The following TRPM4 variants were observed in gnomAD, a reference collection of about 807,000 sequenced individuals.
TRPM4 encodes transient receptor potential cation channel subfamily M member 4.
A neutral mutation model predicts 135.6 loss-of-function variants in TRPM4; 124 were observed. The ratio of observed to expected loss-of-function variants is 0.91; its 90% CI spans 0.79 to 1.06. The LOEUF (loss-of-function observed/expected upper bound fraction) is 1.06. TRPM4 is among the 50% of genes least tolerant of loss of function. The pLI, the probability that TRPM4 is intolerant of heterozygous loss-of-function variation, is 0.00. For missense variants in TRPM4, 1,658 were observed against 1,671.4 expected (o/e 0.99, Z 0.14); for synonymous variants, 745 against 705.6 (o/e 1.06, Z -0.88).
chr19:49,165,928 C>T lies in TRPM4; in HGVS notation c.93-113C>T. On this transcript the variant is annotated intron_variant, in intron 2 of 24. Transcript: ENST00000252826. The stretch of plus-strand genomic sequence containing the variant: ...GGGGCAGCGTGGACTCTGCCTGCCT[C>T]TGTGGGTGTGGACTCAGTGTCGACA... 3 of 1,119,718 alleles carry T rather than the reference C, an allele frequency of 2.7e-6. No individual in the cohort carries two copies. In the South Asian group the frequency reaches 4.3e-5, roughly 16 times the overall value. The allele number at this position is 1,119,718 out of a possible 1,614,324, so 69.4% of individuals were successfully genotyped here. A position where few individuals can be genotyped will look rare whatever the true frequency, so the allele number is the denominator to read the frequency against.
In TRPM4 at chr19:49,211,179, C is replaced by T. The variant is rs779436318; in HGVS notation, c.3550C>T (p.Arg1184Cys). The T allele has an allele frequency of 4.4e-6, 7 of 1,605,158 alleles. 1 individual carries two copies. Among genetic ancestry groups the T allele is most frequent in the East Asian group, 2.2e-5 (1 of 44,460 alleles). The change falls in exon 24 of 25, where the codon CGC (arginine) becomes TGC (cysteine). Residue 1184 changes from arginine to cysteine, a missense_variant. Arg to Cys is a radical substitution (Grantham distance 180). This residue lies in a region of TRPM4 where 1,412 missense variants were observed against 1,408.7 expected (regional missense o/e 1.00). Transcript: ENST00000252826. The surrounding 1 kb of genome is among the most constrained non-coding windows in gnomAD (Gnocchi z 4.8). The part of the protein sequence containing the change: ...VLEREVQQCS[R>C]VLGWVAEALS... Reference sequence around the variant, plus strand: ...CATTCCGCAGGTCCAGCAGTGTAGCCGCGTCCTGGGGTGGGTGGCCGAGGC... The same window carrying T: ...CATTCCGCAGGTCCAGCAGTGTAGCTGCGTCCTGGGGTGGGTGGCCGAGGC...
At chr19:49,172,836 C>CTCCA (rs1967520775) in intron 9 of TRPM4, among the ~76,000 whole-genome samples, 1 of 115,186 alleles carries the variant, frequency 8.7e-6, no homozygotes, top group Non-Finnish European at 1.9e-5. Flanking sequence ...CCGCTCATTC[C>CTCCA]TCCATCCGTC....
At chr19:49,205,585 G>A (rs1031703812) in intron 20 of TRPM4, among the ~76,000 whole-genome samples, 4 of 145,118 alleles carry the variant, frequency 2.8e-5, no homozygotes, top group African/African-American at 1.0e-4. Context: ...ACCCAGGTTG[G>A]AGTGCAATGG....
chr19:49,173,712 T>C (rs1008626312), intron 9 of TRPM4, among the ~76,000 whole-genome samples: 1 of 152,034 alleles, frequency 6.6e-6, no homozygotes, highest in African/African-American at 2.4e-5. Context: ...AGCTGGAGTA[T>C]AGTGGTGTGA....
rs1339661406 is a variant in TRPM4 at position 49,210,388 on chromosome 19, C to A, written c.3311C>A (p.Pro1104Gln). The change falls in exon 21 of 25, where the codon CCG becomes CAG. Residue 1104 changes from proline (P) to glutamine (Q), a missense_variant. This residue lies in a region of TRPM4 where 1,412 missense variants were observed against 1,408.7 expected (regional missense o/e 1.00). Coordinates refer to ENST00000252826, the MANE Select transcript of TRPM4 (RefSeq NM_017636.4). The surrounding 1 kb of genome is among the most constrained non-coding windows in gnomAD (Gnocchi z 4.1). The part of the protein sequence containing the change: ...RRPRSPQPSS[P>Q]ALEHFRVYLS... ...CCCCGGAGCCCCCAGCCGTCCTCCC[C>A]GGCCCTCGAGCATTTCCGTAAGAAC... 2 of 1,613,658 alleles carry A rather than the reference C, an allele frequency of 1.2e-6. No individual in the cohort carries two copies. The highest frequency in any genetic ancestry group is 1.7e-5 in the Admixed American group (1 of 60,008).
intron 9 of TRPM4, among the ~76,000 whole-genome samples, chr19:49,178,762 T>TATTA (rs11446693): frequency 0.093 from 13,950 of 149,492 alleles, 809 homozygotes; most frequent in East Asian, 0.16. Flanking sequence ...TTATTTTTAT[T>TATTA]TTTTTATTTT....
At chr19:49,195,919 C>T (rs925070795) in intron 16 of TRPM4, among the ~76,000 whole-genome samples, 1 of 150,536 alleles carries the variant, frequency 6.6e-6, no homozygotes, top group African/African-American at 2.5e-5. Flanking sequence ...ACTCTGTCGC[C>T]TAGGCTGCAG....
intron 17 of TRPM4, among the ~76,000 whole-genome samples, chr19:49,197,308 T>TTTCTTTCTTTC: frequency 8.2e-6 from 1 of 122,328 alleles, no homozygotes; most frequent in Non-Finnish European, 1.7e-5. Context: ...CTTTCTTTCT[T>TTTCTTTCTTTC]TTTCTTTCTT....
chr19:49,164,679 G>A (rs908752717), intron 2 of TRPM4, among the ~76,000 whole-genome samples: 1 of 140,184 alleles, frequency 7.1e-6, no homozygotes, highest in East Asian at 2.1e-4. Flanking sequence ...ACTGCGCCCG[G>A]CCTCTTGCTT....
At position 49,200,639 on chromosome 19, in the gene TRPM4, T is replaced by A. The variant is rs781258829; in HGVS notation, c.2807T>A (p.Phe936Tyr). ...AAGGACGTGTTCTTCTTCCTCTTCT[T>A]CCTCGGCGTGTGGCTGGTAGCCTAT... ...MMKDVFFFLFFLGVWLVAYGV... is the reference protein window; with the variant it reads ...MMKDVFFFLFYLGVWLVAYGV... Residue 936 changes from phenylalanine (F) to tyrosine (Y), a missense_variant, in exon 19 of 25, where the codon TTC becomes TAC. Coordinates refer to ENST00000252826, the MANE Select transcript of TRPM4 (RefSeq NM_017636.4). 1.2e-6 allele frequency: 2 copies of A among 1,613,784 alleles called. No individual in the cohort carries two copies. The highest frequency in any genetic ancestry group is 1.7e-6 in the Non-Finnish European group (2 of 1,180,014).
Position 49,171,599 on chromosome 19 carries a change from G to A in TRPM4, c.880G>A (p.Ala294Thr). Reference sequence around the variant, plus strand: ...GTAGCGAATAGAGAACGCCACCCAGGCTCAGCTCCCATGTCTCCTCGTGGC... The same window carrying A: ...GTAGCGAATAGAGAACGCCACCCAGACTCAGCTCCCATGTCTCCTCGTGGC... ...MLTRIENATQ[A>T]QLPCLLVAGS... is the part of the protein sequence containing the mutation. Residue 294 changes from alanine (A) to threonine (T), a missense_variant, in exon 8 of 25, where the codon GCT becomes ACT. This residue lies in a region of TRPM4 where 1,412 missense variants were observed against 1,408.7 expected (regional missense o/e 1.00). Coordinates refer to ENST00000252826, the MANE Select transcript of TRPM4 (RefSeq NM_017636.4). The surrounding 1 kb of genome is among the most constrained non-coding windows in gnomAD (Gnocchi z 4.7). The A allele has an allele frequency of 6.2e-7, 1 of 1,614,062 alleles. No individual in the cohort carries two copies. The highest frequency in any genetic ancestry group is 8.5e-7 in the Non-Finnish European group (1 of 1,180,020).
chr19:49,186,219 T>G (rs1968191194), intron 12 of TRPM4, among the ~76,000 whole-genome samples: 1 of 152,200 alleles, frequency 6.6e-6, no homozygotes, highest in Non-Finnish European at 1.5e-5. Flanking sequence ...CTATAAGTGC[T>G]GGGATTAGAG....
intron 20 of TRPM4, among the ~76,000 whole-genome samples, chr19:49,209,029 T>C (rs1429583689): frequency 1.3e-5 from 2 of 152,142 alleles, no homozygotes; most frequent in Non-Finnish European, 2.9e-5. Flanking sequence ...GTTGAGAAGA[T>C]CATATGGCTT....
intron 20 of TRPM4, among the ~76,000 whole-genome samples, chr19:49,207,636 C>CAAAAAAA (rs34758808): frequency 2.6e-5 from 1 of 38,992 alleles, no homozygotes. Flanking sequence ...AACCTTGTCT[C>CAAAAAAA]AAAAAAAAAA....
At chr19:49,168,765 C>T (rs1967339950) in intron 6 of TRPM4, 29 bp downstream of exon 6, 3 of 1,567,070 alleles carry the variant, frequency 1.9e-6, no homozygotes, top group Non-Finnish European at 2.6e-6. Context: ...GACCCACAAC[C>T]CACGACCCAC....
chr19:49,171,711 C>T lies in TRPM4; in HGVS notation c.992C>T (p.Ala331Val). 6.2e-7 allele frequency: 1 copy of T among 1,613,652 alleles called. No individual in the cohort carries two copies. The highest frequency in any genetic ancestry group is 8.5e-7 in the Non-Finnish European group (1 of 1,179,970). The change falls in exon 8 of 25, where the codon GCC (alanine) becomes GTC (valine). Residue 331 changes from alanine (A) to valine (V), a missense_variant. Physicochemically the swap from Ala to Val is moderately conservative, Grantham distance 64. Coordinates refer to ENST00000252826, the MANE Select transcript of TRPM4 (RefSeq NM_017636.4). The surrounding 1 kb of genome is among the most constrained non-coding windows in gnomAD (Gnocchi z 4.7). Reference protein sequence around the residue: ...PGSGGARQGEARDRIRRFFPK... With the variant: ...PGSGGARQGEVRDRIRRFFPK... ...AGTGGGGGAGCCAGGCAAGGCGAAG[C>T]CCGAGATCGAATCAGGCGTTTCTTT...
At chr19:49,194,222 G>A (rs1439042427) in intron 16 of TRPM4, among the ~76,000 whole-genome samples, 2 of 150,248 alleles carry the variant, frequency 1.3e-5, no homozygotes, top group African/African-American at 2.5e-5. Context: ...TCCTCCTCCT[G>A]CTCCTCTGCC....
At position 49,210,278 on chromosome 19, in the gene TRPM4, G is replaced by C. The variant is rs1234660025; in HGVS notation, c.3201G>C (p.Arg1067=). The C allele has an allele frequency of 6.2e-7, 1 of 1,614,098 alleles. No individual in the cohort carries two copies. The highest frequency in any genetic ancestry group is 8.5e-7 in the Non-Finnish European group (1 of 1,180,060). Residue 1067 remains arginine (R), a synonymous_variant, in exon 21 of 25, where the codon CGG becomes CGC. Transcript: ENST00000252826. This position sits in a 1 kb window ranked among gnomAD's most constrained non-coding sequence, Gnocchi z 4.1. ...YWKAQRYRLI[R]EFHSRPALAP... ...AGGCGCAGCGTTACCGCCTCATCCGGGAATTCCACTCTCGGCCCGCGCTGG... is the reference window on the plus strand; with the variant it reads ...AGGCGCAGCGTTACCGCCTCATCCGCGAATTCCACTCTCGGCCCGCGCTGG...
intron 9 of TRPM4, among the ~76,000 whole-genome samples, chr19:49,175,308 C>T (rs1241177215): frequency 3.3e-5 from 5 of 151,942 alleles, no homozygotes; most frequent in African/African-American, 7.3e-5. Context: ...CTCCCGACCT[C>T]GGGTGATCCG....
Sources: allele counts gnomAD v4.1 joint callset (sites outside exome capture counted in the v4.1 genomes callset), GRCh38; gene constraint gnomAD v4.1.1; regional missense constraint gnomAD v4.1.1; non-coding constraint Gnocchi (gnomAD v3.1); transcripts MANE v1.5; gene names NCBI Gene and HGNC (gene_info 2026-07-23, HGNC 2026-07-21).